Variants in SAMD3 observed in about 807,000 individuals in gnomAD.
SAMD3 encodes sterile alpha motif domain containing 3.
SAMD3 carries 63 observed loss-of-function variants against 58.5 expected under a neutral mutation model. The observed-to-expected ratio is 1.08, with a 90% CI of 0.88 to 1.33. SAMD3 has a LOEUF of 1.33. SAMD3 is among the 40% of genes most tolerant of loss of function. SAMD3 has a pLI of 0.00. For missense variants in SAMD3, 604 were observed against 608.4 expected (o/e 0.99, Z 0.08); for synonymous variants, 220 against 210.3 (o/e 1.05, Z -0.40).
At chr6:130,145,315 TA>T in intron 11 of SAMD3, 24 bp downstream of exon 11, 1 of 1,197,926 alleles carries the variant, frequency 8.3e-7, no homozygotes, top group Non-Finnish European at 1.2e-6. Context: ...AATGTCAAAC[TA>T]GTGGCCATTC....
chr6:130,276,903 G>A (rs955916102), intron 2 of SAMD3, among the ~76,000 whole-genome samples: 1 of 152,108 alleles, frequency 6.6e-6, no homozygotes, highest in Admixed American at 6.5e-5. Flanking sequence ...GTTCTCGTGT[G>A]CTGAGTCAGC....
intron 5 of SAMD3, among the ~76,000 whole-genome samples, chr6:130,207,159 C>CAAAAAAAAAA (rs376844642): frequency 1.9e-5 from 1 of 52,706 alleles, no homozygotes; most frequent in African/African-American, 7.7e-5. Flanking sequence ...CCCATCTCAT[C>CAAAAAAAAAA]AAAAAAAAAA....
intron 8 of SAMD3, among the ~76,000 whole-genome samples, chr6:130,166,790 A>G (rs921042234): frequency 6.6e-6 from 1 of 152,206 alleles, no homozygotes; most frequent in African/African-American, 2.4e-5. Flanking sequence ...CAGACTCAGT[A>G]ATCCATGGAA....
At chr6:130,261,370 C>T (rs55650481) in intron 2 of SAMD3, among the ~76,000 whole-genome samples, 9,000 of 123,084 alleles carry the variant, frequency 0.073, 1,202 homozygotes, top group African/African-American at 0.13. Flanking sequence ...TTGACAGGAC[C>T]GGTCTTGGGA....
At chr6:130,189,659 C>T (rs935046908) in intron 5 of SAMD3, among the ~76,000 whole-genome samples, 1 of 152,216 alleles carries the variant, frequency 6.6e-6, no homozygotes, top group Non-Finnish European at 1.5e-5. Flanking sequence ...TGCTACTACA[C>T]TAATCCAAGT....
chr6:130,279,251 C>T (rs945094252), intron 2 of SAMD3, among the ~76,000 whole-genome samples: 1 of 152,076 alleles, frequency 6.6e-6, no homozygotes, highest in Non-Finnish European at 1.5e-5. Context: ...TTATAATCCC[C>T]ATGTGTCATG....
chr6:130,245,764 A>C (rs1773521002), intron 2 of SAMD3, among the ~76,000 whole-genome samples: 1 of 152,216 alleles, frequency 6.6e-6, no homozygotes, highest in African/African-American at 2.4e-5. Context: ...ATTCTATGAG[A>C]TGCCAACTGA....
intron 3 of SAMD3, 24 bp downstream of exon 3, chr6:130,215,171 T>C (rs757851935): frequency 7.6e-7 from 1 of 1,319,132 alleles, no homozygotes; most frequent in South Asian, 1.2e-5. Flanking sequence ...CAATTAAAAT[T>C]TTTGGAAAGC....
intron 1 of SAMD3, among the ~76,000 whole-genome samples, chr6:130,316,102 C>T (rs1776358819): frequency 6.6e-6 from 1 of 151,902 alleles, no homozygotes; most frequent in Non-Finnish European, 1.5e-5. Flanking sequence ...ACCAGCCTGG[C>T]CAACCTGGCA....
intron 1 of SAMD3, among the ~76,000 whole-genome samples, chr6:130,353,842 G>A (rs1777749710): frequency 6.6e-6 from 1 of 151,994 alleles, no homozygotes; most frequent in Non-Finnish European, 1.5e-5. Flanking sequence ...TTAAAAGTAT[G>A]GTATTCCACA....
intron 2 of SAMD3, among the ~76,000 whole-genome samples, chr6:130,284,161 A>G (rs980499188): frequency 6.6e-6 from 1 of 152,214 alleles, no homozygotes; most frequent in African/African-American, 2.4e-5. Context: ...CCTAAGAAGC[A>G]TTTCTTACAC....
intron 2 of SAMD3, among the ~76,000 whole-genome samples, chr6:130,234,861 C>T (rs80038379): frequency 0.084 from 12,756 of 152,322 alleles, 776 homozygotes; most frequent in East Asian, 0.29. Flanking sequence ...CACCATGGCT[C>T]ATGCCAGTAA....
intron 8 of SAMD3, among the ~76,000 whole-genome samples, chr6:130,156,229 T>G (rs968342173): frequency 1.3e-5 from 2 of 151,800 alleles, no homozygotes; most frequent in Non-Finnish European, 2.9e-5. Flanking sequence ...TCCCAGCTAC[T>G]TGGGAGGCTG....
At chr6:130,263,385 C>T (rs370396213) in intron 2 of SAMD3, among the ~76,000 whole-genome samples, 6 of 152,108 alleles carry the variant, frequency 3.9e-5, no homozygotes, top group South Asian at 2.1e-4. Flanking sequence ...CTGAAGATCA[C>T]GTTCTCGTCA....
chr6:130,160,383 A>T (rs1261587488), intron 8 of SAMD3: 1 of 152,250 alleles, frequency 6.6e-6, no homozygotes, highest in Non-Finnish European at 1.5e-5. Flanking sequence ...ATCAAAGCCA[A>T]CATATAGTTT....
chr6:130,232,513 C>T (rs1357602920), intron 2 of SAMD3, among the ~76,000 whole-genome samples: 1 of 152,106 alleles, frequency 6.6e-6, no homozygotes. Flanking sequence ...GCTACTCATT[C>T]CAAAAATATA....
At chr6:130,234,568 CA>C (rs1796631110) in intron 2 of SAMD3, among the ~76,000 whole-genome samples, 1 of 152,078 alleles carries the variant, frequency 6.6e-6, no homozygotes, top group Non-Finnish European at 1.5e-5. Context: ...ACATTTCCAT[CA>C]TCCCAGAAGT....
At chr6:130,311,445 AG>A (rs1442276915) in intron 2 of SAMD3, among the ~76,000 whole-genome samples, 1 of 152,222 alleles carries the variant, frequency 6.6e-6, no homozygotes, top group Non-Finnish European at 1.5e-5. Flanking sequence ...CCCATAGAGC[AG>A]TATTCCGAAG....
At chr6:130,316,957 G>A (rs1243651951) in intron 1 of SAMD3, among the ~76,000 whole-genome samples, 2 of 152,132 alleles carry the variant, frequency 1.3e-5, no homozygotes, top group Non-Finnish European at 2.9e-5. Context: ...GCTTTAAGAG[G>A]TTGGTTAACA....
Sources: gnomAD v4.1 joint callset for allele counts (sites outside exome capture counted in the v4.1 genomes callset) on GRCh38, gnomAD v4.1.1 for gene constraint, MANE v1.5 for transcripts, NCBI Gene and HGNC (gene_info 2026-07-23, HGNC 2026-07-21) for gene names.